The following GNAS variants were observed in gnomAD, a reference collection of about 807,000 sequenced individuals.
GNAS encodes the protein protein ALEX.
GNAS carries 8 observed loss-of-function variants against 54.5 expected under a neutral mutation model. The ratio of observed to expected loss-of-function variants is 0.15; its 90% CI spans 0.09 to 0.26. The LOEUF is 0.26. Ranked by LOEUF, GNAS falls within the 10% of genes least tolerant of loss-of-function variation. The pLI is 1.00. For missense variants in GNAS, 170 were observed against 529.8 expected (o/e 0.32, Z 6.67); for synonymous variants, 204 against 191.4 (o/e 1.07, Z -0.54).
Position 58,850,885 on chromosome 20 carries a change from T to C in GNAS, c.43+9999T>C, listed in dbSNP as rs964222310. On this transcript the variant is annotated intron_variant, in intron 1 of 12. Coordinates refer to the GNAS transcript ENST00000306090. ...ACCCCAGCAGCACCTCTTCGGGCGT[T>C]CCAACGCGGCGCCCCCTATTGGACC... is the stretch of plus-strand genomic sequence containing the variant. 4.8e-5 allele frequency: 19 copies of C among 398,602 alleles called. No individual in the cohort carries two copies. In the Admixed American group the frequency reaches 5.3e-4, roughly 11 times the overall value. 24.7% of individuals were successfully genotyped at this position (398,602 alleles called of 1,614,324 possible).
chr20:58,889,731 G>A (rs1047505232), upstream of GNAS, among the ~76,000 whole-genome samples: 21 of 151,036 alleles, frequency 1.4e-4, no homozygotes, highest in Admixed American at 1.2e-3. Flanking sequence ...AGCCCGGGCA[G>A]CCGCGCTCCG....
At chr20:58,866,779 CTT>C (rs34589209) in intron 1 of GNAS, among the ~76,000 whole-genome samples, 6 of 144,538 alleles carry the variant, frequency 4.2e-5, no homozygotes, top group Non-Finnish European at 6.1e-5. Flanking sequence ...AGATTTTTTT[CTT>C]TTTTTTTTTT....
intron 1 of GNAS, among the ~76,000 whole-genome samples, chr20:58,866,047 G>A (rs973879925): frequency 3.3e-5 from 5 of 152,166 alleles, no homozygotes; most frequent in Admixed American, 3.3e-4. Context: ...GGACCCATCT[G>A]TCAGATGGCT....
intron 1 of GNAS, chr20:58,855,199 G>A (rs866235864): frequency 6.2e-7 from 1 of 1,602,460 alleles, no homozygotes. Context: ...GCGGAGAAGC[G>A]CAGACAGATG....
At chr20:58,854,857 C>G (rs1004323506) in intron 1 of GNAS, 23 of 1,597,136 alleles carry the variant, frequency 1.4e-5, no homozygotes, top group Non-Finnish European at 1.9e-5. Context: ...CTCAGACCCC[C>G]CAGCCCCGAG....
At chr20:58,889,460 G>T, upstream of GNAS, 2 of 524,526 alleles carry the variant, frequency 3.8e-6, no homozygotes, top group African/African-American at 2.1e-5. Flanking sequence ...CCGCTGCCTT[G>T]CCCCGGGGCG....
intron 1 of GNAS, among the ~76,000 whole-genome samples, chr20:58,866,146 T>C (rs994954394): frequency 6.6e-6 from 1 of 152,300 alleles, no homozygotes; most frequent in East Asian, 1.9e-4. Flanking sequence ...TGATAATGTG[T>C]ACACACCAGC....
At chr20:58,852,869 C>T (rs750358531) in intron 1 of GNAS, 2 of 336,350 alleles carry the variant, frequency 5.9e-6, no homozygotes, top group African/African-American at 2.1e-5. Flanking sequence ...CCGGCGTCCT[C>T]TGGTGGCAGA....
At position 58,853,458 on chromosome 20, in the gene GNAS, G is replaced by A; in HGVS notation, c.43+12572G>A. On this transcript the variant is annotated intron_variant, in intron 1 of 12. Coordinates refer to the GNAS transcript ENST00000306090. The surrounding 1 kb of genome is among the most constrained non-coding windows in gnomAD (Gnocchi z 4.4). ...CGAGCCCATCCCCGTCGAGAATGAT[G>A]GCGAGGCCTGTGGACCCCCAGAGGT... 1.2e-6 allele frequency: 2 copies of A among 1,612,012 alleles called. No homozygotes were observed. Among genetic ancestry groups the A allele is most frequent in the East Asian group, 4.5e-5 (2 of 44,788 alleles).
At chr20:58,904,082 C>T (rs1208879395) in intron 5 of GNAS, among the ~76,000 whole-genome samples, 1 of 152,208 alleles carries the variant, frequency 6.6e-6, no homozygotes, top group East Asian at 1.9e-4. Context: ...TTGAATACTA[C>T]AATCTCACTT....
At chr20:58,868,931 A>G (rs1428558725) in intron 1 of GNAS, among the ~76,000 whole-genome samples, 1 of 152,238 alleles carries the variant, frequency 6.6e-6, no homozygotes, top group East Asian at 1.9e-4. Flanking sequence ...CTGGCTTTCA[A>G]AAATTCACCC....
In GNAS at chr20:58,845,172, G is replaced by A. The variant is rs554117064; in HGVS notation, c.43+4286G>A. 1.7e-3 allele frequency among the ~76,000 whole-genome samples: 262 copies of A among 152,250 alleles called. 2 individuals are homozygous for A. Among genetic ancestry groups the A allele is most frequent in the Non-Finnish European group, 2.5e-3 (168 of 68,010 alleles). The stretch of plus-strand genomic sequence containing the variant: ...GGAGAGGCTAACCACTGTGGGGGAC[G>A]GCAGACTGATGGGAACATTGGTTGA... On this transcript the variant is annotated intron_variant, in intron 1 of 12. Coordinates refer to the GNAS transcript ENST00000306090.
chr20:58,848,166 T>C (rs1184995778), intron 1 of GNAS, among the ~76,000 whole-genome samples: 2 of 152,238 alleles, frequency 1.3e-5, no homozygotes, highest in African/African-American at 4.8e-5. Flanking sequence ...ATGCCTTTCT[T>C]AGTACATCAA....
chr20:58,908,155 C>G (rs1242177604), intron 6 of GNAS, among the ~76,000 whole-genome samples: 1 of 152,182 alleles, frequency 6.6e-6, no homozygotes, highest in Non-Finnish European at 1.5e-5. Flanking sequence ...AAACTTTTCT[C>G]TCTTTATGAT....
At chr20:58,850,901 CT>C (rs992945430) in intron 1 of GNAS, 16 of 398,824 alleles carry the variant, frequency 4.0e-5, no homozygotes, top group African/African-American at 6.2e-5. Context: ...GCGGCGCCCC[CT>C]ATTGGACCTC....
At chr20:58,897,102 G>A (rs368261863) in intron 2 of GNAS, among the ~76,000 whole-genome samples, 4 of 152,322 alleles carry the variant, frequency 2.6e-5, no homozygotes, top group African/African-American at 9.6e-5. Flanking sequence ...GAATTCAGAA[G>A]GATTGGTTGG....
chr20:58,879,111 G>T (rs1446483195), intron 1 of GNAS, among the ~76,000 whole-genome samples: 1 of 152,218 alleles, frequency 6.6e-6, no homozygotes, highest in Non-Finnish European at 1.5e-5. Flanking sequence ...CAGTTAATGT[G>T]AGGTGGTGGT....
intron 6 of GNAS, among the ~76,000 whole-genome samples, chr20:58,908,377 A>C (rs1004932600): frequency 6.6e-6 from 1 of 152,218 alleles, no homozygotes; most frequent in Admixed American, 6.5e-5. Context: ...TGGACCAAAC[A>C]GAACGGAAGA....
intron 3 of GNAS, among the ~76,000 whole-genome samples, chr20:58,900,920 T>C (rs1286488442): frequency 6.6e-6 from 1 of 152,234 alleles, no homozygotes; most frequent in East Asian, 1.9e-4. Context: ...CCTATTCACA[T>C]ACGTAGATGA....
Sources: allele counts gnomAD v4.1 joint callset (sites outside exome capture counted in the v4.1 genomes callset), GRCh38; gene constraint gnomAD v4.1.1; non-coding constraint Gnocchi (gnomAD v3.1); transcripts MANE v1.5; gene names NCBI Gene and HGNC (gene_info 2026-07-23, HGNC 2026-07-21).